AFF3: variants seen among roughly 807,000 people sequenced by gnomAD.
AFF3 encodes ALF transcription elongation factor 3, also known as AF4/FMR2 family member 3.
In AFF3, 32 loss-of-function variants were observed where a neutral mutation model predicts 129.7. The ratio of observed to expected loss-of-function variants is 0.25; its 90% CI spans 0.19 to 0.33. The LOEUF is 0.33. Among genes scored for constraint, AFF3 ranks in the 10% least tolerant of loss-of-function variants. The pLI is 1.00. For synonymous variants in AFF3, 644 were observed against 635.4 expected (o/e 1.01, Z -0.20); for missense variants, 1,373 against 1,592.0 (o/e 0.86, Z 2.34).
chr2:99,654,230 GTCACTCTACATCA>G (rs1458576464), intron 12 of AFF3, among the ~76,000 whole-genome samples: 1 of 152,146 alleles, frequency 6.6e-6, no homozygotes, highest in Non-Finnish European at 1.5e-5. Context: ...TTAATTTGCA[GTCACTCTACATCA>G]TTAAAAATTT....
intron 4 of AFF3, among the ~76,000 whole-genome samples, chr2:100,036,726 A>C (rs573312928): frequency 1.4e-3 from 219 of 152,108 alleles, no homozygotes; most frequent in Non-Finnish European, 2.5e-3. Flanking sequence ...AGCTCTTACA[A>C]ATGAAAATGG....
At chr2:100,034,885 T>C (rs1222605364) in intron 4 of AFF3, among the ~76,000 whole-genome samples, 7 of 152,222 alleles carry the variant, frequency 4.6e-5, no homozygotes, top group African/African-American at 1.7e-4. Flanking sequence ...AATTTTCCTT[T>C]GTTTTAATGG....
chr2:99,678,906 C>T (rs1674267459), intron 11 of AFF3, among the ~76,000 whole-genome samples: 1 of 152,216 alleles, frequency 6.6e-6, no homozygotes, highest in Non-Finnish European at 1.5e-5. Context: ...AGGGTCAGTG[C>T]TACCATCTGC....
intron 4 of AFF3, among the ~76,000 whole-genome samples, chr2:100,043,252 C>T (rs963242349): frequency 1.5e-4 from 23 of 152,114 alleles, no homozygotes; most frequent in African/African-American, 5.3e-4. Context: ...CAGATGCTTC[C>T]TTCAAAAGCA....
chr2:99,706,037 C>T (rs900289201), intron 11 of AFF3, among the ~76,000 whole-genome samples: 1 of 152,056 alleles, frequency 6.6e-6, no homozygotes, highest in Non-Finnish European at 1.5e-5. Flanking sequence ...CACACTTAAG[C>T]AGAATCCCTG....
At chr2:99,765,850 T>C (rs1158536139) in intron 8 of AFF3, among the ~76,000 whole-genome samples, 3 of 152,212 alleles carry the variant, frequency 2.0e-5, no homozygotes, top group Admixed American at 6.5e-5. Flanking sequence ...TATTAAACAA[T>C]AATTTGCTTC....
intron 1 of AFF3, among the ~76,000 whole-genome samples, chr2:100,133,800 G>GCGGACGC (rs2105596609): frequency 6.6e-6 from 1 of 152,304 alleles, no homozygotes; most frequent in African/African-American, 2.4e-5. Flanking sequence ...AGGCATGGTG[G>GCGGACGC]CGGACGCCTG....
intron 8 of AFF3, among the ~76,000 whole-genome samples, chr2:99,787,600 A>G (rs1347236488): frequency 1.3e-5 from 2 of 152,198 alleles, no homozygotes; most frequent in Non-Finnish European, 2.9e-5. Flanking sequence ...ATTCCCGATG[A>G]TGTACGTCCT....
In AFF3 at chr2:99,549,179, G is replaced by T. The variant is rs750316111; in HGVS notation, c.*2295C>A. 4.6e-6 allele frequency: 1 copy of T among 216,806 alleles called. No homozygotes were observed. The highest frequency in any genetic ancestry group is 9.3e-6 in the Non-Finnish European group (1 of 107,804). 13.4% of individuals were successfully genotyped at this position (216,806 alleles called of 1,614,324 possible). A position where few individuals can be genotyped will look rare whatever the true frequency, so the allele number is the denominator to read the frequency against. The stretch of plus-strand genomic sequence containing the variant: ...TTTATGTGTTTGAATATTTCATCAG[G>T]ATTCTTCAAGAGTAGGTAGAACAAA... On this transcript the variant is annotated 3_prime_UTR_variant, in exon 25 of 25. Coordinates refer to ENST00000672756, the MANE Select transcript of AFF3 (RefSeq NM_001386135.1).
intron 8 of AFF3, among the ~76,000 whole-genome samples, chr2:99,761,011 T>C (rs1459147721): frequency 6.6e-6 from 1 of 151,880 alleles, no homozygotes; most frequent in Admixed American, 6.6e-5. Context: ...TCCTCCTGCT[T>C]TGGCCTCCCG....
At chr2:99,696,090 G>C (rs952421924) in intron 11 of AFF3, among the ~76,000 whole-genome samples, 4 of 150,788 alleles carry the variant, frequency 2.7e-5, no homozygotes, top group African/African-American at 9.8e-5. Flanking sequence ...GACAGCCTCA[G>C]ACAACAGTTA....
intron 8 of AFF3, among the ~76,000 whole-genome samples, chr2:99,810,786 C>G (rs982939084): frequency 2.6e-5 from 4 of 152,162 alleles, no homozygotes; most frequent in African/African-American, 9.7e-5. Flanking sequence ...AGCAAGACCA[C>G]GTTCTGTTCT....
chr2:99,554,326 C>T lies in AFF3; in HGVS notation c.3544G>A (p.Ala1182Thr), dbSNP rs1575330991. 7 of 1,614,190 alleles carry T rather than the reference C, an allele frequency of 4.3e-6. 1 individual carries two copies. Among genetic ancestry groups the T allele is most frequent in the Non-Finnish European group, 5.1e-6 (6 of 1,180,044 alleles). Residue 1182 changes from alanine to threonine, a missense_variant, in exon 24 of 25, where the codon GCC (alanine) becomes ACC (threonine). Coordinates refer to ENST00000672756, the MANE Select transcript of AFF3 (RefSeq NM_001386135.1). ...YDYWEMADNL[A>T]KENREFFNDL... is the part of the protein sequence containing the mutation. ...GTGCGCTCACCTCGGTTTTCCTTGGCCAGGTTGTCGGCCATCTCCCAGTAG... is the reference window on the plus strand; with the variant it reads ...GTGCGCTCACCTCGGTTTTCCTTGGTCAGGTTGTCGGCCATCTCCCAGTAG...
intron 4 of AFF3, among the ~76,000 whole-genome samples, chr2:100,030,100 G>A (rs1007797892): frequency 6.2e-5 from 9 of 146,182 alleles, no homozygotes; most frequent in African/African-American, 2.3e-4. Flanking sequence ...TAATAATAAT[G>A]ATAAGATGAT....
chr2:99,888,032 T>G (rs1693252104), intron 7 of AFF3, among the ~76,000 whole-genome samples: 1 of 152,218 alleles, frequency 6.6e-6, no homozygotes, highest in African/African-American at 2.4e-5. Flanking sequence ...CAGCAAGTGT[T>G]ATATTAATAA....
At chr2:99,705,874 CAAAAAAA>C (rs34186291) in intron 11 of AFF3, among the ~76,000 whole-genome samples, 1 of 53,420 alleles carries the variant, frequency 1.9e-5, no homozygotes, top group African/African-American at 7.1e-5. Context: ...AACTGCGCCT[CAAAAAAA>C]AAAAAAAAAA....
Position 99,927,899 on chromosome 2 carries a change from G to A in AFF3, c.873+78733C>T, listed in dbSNP as rs548099792. On this transcript the variant is annotated intron_variant, in intron 7 of 24. Coordinates refer to ENST00000672756, the MANE Select transcript of AFF3 (RefSeq NM_001386135.1). ...CCCATAATTCCCACATGTGGTGGGA[G>A]GGACCCAGTGGGAGATGACTGAATC... Among the ~76,000 whole-genome samples the A allele has an allele frequency of 2.0e-5, 3 of 152,254 alleles. No homozygotes were observed. In the East Asian group the frequency reaches 5.8e-4, roughly 29 times the overall value.
At chr2:99,653,412 A>G (rs1014418734) in intron 12 of AFF3, among the ~76,000 whole-genome samples, 12 of 152,244 alleles carry the variant, frequency 7.9e-5, no homozygotes, top group African/African-American at 2.7e-4. Flanking sequence ...CAATATTTTA[A>G]AAGGCTATTG....
At chr2:99,840,965 A>G (rs532129871) in intron 7 of AFF3, among the ~76,000 whole-genome samples, 1 of 152,320 alleles carries the variant, frequency 6.6e-6, no homozygotes, top group South Asian at 2.1e-4. Context: ...TTCCTACTGC[A>G]TAATATGCTG....
Sources: gnomAD v4.1 joint callset for allele counts (sites outside exome capture counted in the v4.1 genomes callset) on GRCh38, gnomAD v4.1.1 for gene constraint, MANE v1.5 for transcripts, NCBI Gene and HGNC (gene_info 2026-07-23, HGNC 2026-07-21) for gene names.